The following PKHD1L1 variants were observed in gnomAD, a reference collection of about 807,000 sequenced individuals.
The protein encoded by PKHD1L1 is fibrocystin-L.
Under a neutral mutation model 462.9 loss-of-function variants are expected in PKHD1L1, and 434 were observed. The observed-to-expected ratio is 0.94, with a 90% confidence interval of 0.87 to 1.02. The LOEUF (loss-of-function observed/expected upper bound fraction) is 1.02. Ranked by LOEUF, PKHD1L1 falls within the 50% of genes least tolerant of loss-of-function variation. PKHD1L1 has a pLI of 0.00. For missense variants in PKHD1L1, 5,202 were observed against 5,096.1 expected (o/e 1.02, Z -0.63); for synonymous variants, 1,781 against 1,750.0 (o/e 1.02, Z -0.44).
Position 109,454,741 on chromosome 8 carries a change from C to T in PKHD1L1, c.6763C>T (p.Pro2255Ser). ...GVLQIGTETS[P>S]FQHKAVITLH... ...TTTGCAGATTGGAACAGAGACATCCCCATTCCAACACAAGGCTGTCATTAC... is the reference window on the plus strand; with the variant it reads ...TTTGCAGATTGGAACAGAGACATCCTCATTCCAACACAAGGCTGTCATTAC... The change falls in exon 45 of 78, where the codon CCA (proline) becomes TCA (serine). Residue 2255 changes from proline (P) to serine (S), a missense_variant. Transcript: ENST00000378402. The T allele has an allele frequency of 7.4e-6, 12 of 1,613,676 alleles. No individual in the cohort carries two copies. Among genetic ancestry groups the T allele is most frequent in the South Asian group, 1.1e-5 (1 of 91,050 alleles).
intron 12 of PKHD1L1, among the ~76,000 whole-genome samples, chr8:109,399,536 G>C (rs552462890): frequency 6.6e-6 from 1 of 152,158 alleles, no homozygotes; most frequent in African/African-American, 2.4e-5. Flanking sequence ...TGTCCAAGAA[G>C]GAGAAGAAAT....
intron 73 of PKHD1L1, among the ~76,000 whole-genome samples, chr8:109,518,873 C>A (rs1820411072): frequency 6.6e-6 from 1 of 151,958 alleles, no homozygotes; most frequent in Admixed American, 6.6e-5. Context: ...GCTATGGAAA[C>A]TGTTGGTGAG....
chr8:109,523,034 C>A, intron 75 of PKHD1L1, 144 bp downstream of exon 75: 1 of 1,060,282 alleles, frequency 9.4e-7, no homozygotes, highest in Non-Finnish European at 1.3e-6. Context: ...CCAAGGATAC[C>A]ATCTTGTAAT....
At chr8:109,515,937 T>A (rs1049635407) in intron 72 of PKHD1L1, among the ~76,000 whole-genome samples, 8 of 152,132 alleles carry the variant, frequency 5.3e-5, no homozygotes, top group Non-Finnish European at 1.2e-4. Flanking sequence ...TCTGATATGA[T>A]CCATATTCTT....
At position 109,476,610 on chromosome 8, in the gene PKHD1L1, A is replaced by G. The variant is rs377395482; in HGVS notation, c.8860A>G (p.Thr2954Ala). Residue 2954 changes from threonine to alanine, a missense_variant, in exon 52 of 78, where the codon ACT (threonine) becomes GCT (alanine). Coordinates refer to ENST00000378402, the MANE Select transcript of PKHD1L1 (RefSeq NM_177531.6). ...TTCCTCAAATCCATTGAATTGGAAT[A>G]CTAGCAAGAATGGGGACTGGCACCT... ...NGSSNPLNWNTSKNGDWHLEA... is the reference protein window; with the variant it reads ...NGSSNPLNWNASKNGDWHLEA... 1.9e-6 allele frequency: 3 copies of G among 1,596,428 alleles called. No individual in the cohort carries two copies. In the African/African-American group the frequency reaches 4.0e-5, roughly 21 times the overall value.
At chr8:109,375,027 T>C (rs957107275) in intron 2 of PKHD1L1, among the ~76,000 whole-genome samples, 9 of 152,152 alleles carry the variant, frequency 5.9e-5, no homozygotes, top group African/African-American at 1.7e-4. Flanking sequence ...CTCTGTATTT[T>C]CTGAATCTGA....
At chr8:109,456,420 G>A (rs752744600) in intron 46 of PKHD1L1, 29 bp downstream of exon 46, 1 of 1,555,828 alleles carries the variant, frequency 6.4e-7, no homozygotes, top group Non-Finnish European at 8.7e-7. Context: ...TTAATGATGT[G>A]TATTTAGAAA....
Position 109,445,422 on chromosome 8 carries a change from C to T in PKHD1L1, c.5553C>T (p.Ile1851=). ...GSIGGGTTLV[I]TGNGFYPGNT... is the part of the protein sequence containing the mutation. Reference sequence around the variant, plus strand: ...TTGGTGGTGGAACTACACTGGTGATCACAGGAAATGGCTTCTATCCAGGCA... The same window carrying T: ...TTGGTGGTGGAACTACACTGGTGATTACAGGAAATGGCTTCTATCCAGGCA... Residue 1851 remains isoleucine (I), a synonymous_variant, in exon 38 of 78, where the codon ATC becomes ATT. Coordinates refer to ENST00000378402, the MANE Select transcript of PKHD1L1 (RefSeq NM_177531.6). The T allele has an allele frequency of 6.2e-7, 1 of 1,613,974 alleles. No homozygotes were observed. Among genetic ancestry groups the T allele is most frequent in the Non-Finnish European group, 8.5e-7 (1 of 1,179,886 alleles).
In PKHD1L1 at chr8:109,518,451, A is replaced by G. The variant is rs35561171; in HGVS notation, c.11974A>G (p.Ile3992Val). The change falls in exon 73 of 78, where the codon ATA becomes GTA. Residue 3992 changes from isoleucine (I) to valine (V), a missense_variant. Ile to Val is a conservative substitution (Grantham distance 29, BLOSUM62 3). Transcript: ENST00000378402. Reference protein sequence around the residue: ...SLRRKRSMGFIIEIEIGDPPI... With the variant: ...SLRRKRSMGFVIEIEIGDPPI... ...GAGGAGGAAGAGATCCATGGGATTC[A>G]TAATTGAAATAGAGATTGGAGACCC... 1.6e-3 allele frequency: 2,600 copies of G among 1,609,840 alleles called. 37 individuals are homozygous for G. The African/African-American group carries it at 0.031, about 19-fold the overall frequency.
rs756130116 is a variant in PKHD1L1 at position 109,448,194 on chromosome 8, T to C, written c.5828T>C (p.Ile1943Thr). ...EITGSNFGFEILEISVMINNI... is the reference protein window; with the variant it reads ...EITGSNFGFETLEISVMINNI... ...ACTGGATCCAACTTTGGCTTTGAGA[T>C]CTTGGAAATCTCCGTGATGATAAAT... Residue 1943 changes from isoleucine to threonine, a missense_variant, in exon 39 of 78, where the codon ATC becomes ACC. Ile to Thr is a moderately conservative substitution (Grantham distance 89, BLOSUM62 -1). Around this residue, in one of 3 missense-constraint regions of PKHD1L1, gnomAD observed 4,497 missense variants for 4,336.8 expected, o/e 1.04. Coordinates refer to ENST00000378402, the MANE Select transcript of PKHD1L1 (RefSeq NM_177531.6). The C allele has an allele frequency of 9.3e-6, 15 of 1,612,170 alleles. No individual in the cohort carries two copies. Among genetic ancestry groups the C allele is most frequent in the Non-Finnish European group, 1.3e-5 (15 of 1,179,112 alleles).
At chr8:109,407,224 A>C (rs1376300200) in intron 17 of PKHD1L1, among the ~76,000 whole-genome samples, 1 of 152,072 alleles carries the variant, frequency 6.6e-6, no homozygotes, top group Admixed American at 6.6e-5. Flanking sequence ...TTTATGTCTC[A>C]CTTTATGTAA....
intron 8 of PKHD1L1, among the ~76,000 whole-genome samples, chr8:109,389,388 C>G (rs568933013): frequency 5.9e-5 from 9 of 151,980 alleles, no homozygotes; most frequent in Non-Finnish European, 1.3e-4. Context: ...CTTTCTTCTT[C>G]TTTCTCCCTA....
chr8:109,500,108 C>T lies in PKHD1L1; in HGVS notation c.10828+1337C>T, dbSNP rs530099711. Among the ~76,000 whole-genome samples the T allele has an allele frequency of 2.2e-4, 33 of 152,216 alleles. No individual in the cohort carries two copies. The Middle Eastern group carries it at 0.014, about 63-fold the overall frequency. ...TGTACCAGCCTGTATCCACTTTAGTCCTCTCTTGGGACTACTGGGATCTAC... is the reference window on the plus strand; with the variant it reads ...TGTACCAGCCTGTATCCACTTTAGTTCTCTCTTGGGACTACTGGGATCTAC... On this transcript the variant is annotated intron_variant, in intron 67 of 77. Coordinates refer to ENST00000378402, the MANE Select transcript of PKHD1L1 (RefSeq NM_177531.6).
chr8:109,413,327 A>G (rs1563750089), intron 20 of PKHD1L1, 94 bp from the exon 21 acceptor site: 2 of 900,262 alleles, frequency 2.2e-6, no homozygotes, highest in South Asian at 3.7e-5. Context: ...GAAAATGCTC[A>G]ATAAATATTT....
chr8:109,362,940 C>T (rs535026601), intron 1 of PKHD1L1, among the ~76,000 whole-genome samples: 1 of 152,280 alleles, frequency 6.6e-6, no homozygotes, highest in Admixed American at 6.5e-5. Flanking sequence ...CCACCGGCAC[C>T]CACAAAGTGA....
At chr8:109,364,260 A>C (rs1811117167) in intron 1 of PKHD1L1, among the ~76,000 whole-genome samples, 1 of 152,220 alleles carries the variant, frequency 6.6e-6, no homozygotes, top group Non-Finnish European at 1.5e-5. Context: ...AGGATTTAAT[A>C]CGTGTTTTAT....
intron 13 of PKHD1L1, among the ~76,000 whole-genome samples, chr8:109,400,709 A>G (rs1033731364): frequency 6.6e-6 from 1 of 152,068 alleles, no homozygotes; most frequent in Non-Finnish European, 1.5e-5. Context: ...CACTAGTTTT[A>G]ATGACTAAGC....
At chr8:109,446,077 G>A (rs1816121882) in intron 38 of PKHD1L1, among the ~76,000 whole-genome samples, 1 of 152,066 alleles carries the variant, frequency 6.6e-6, no homozygotes, top group Non-Finnish European at 1.5e-5. Flanking sequence ...TTATTAGCAT[G>A]CCAGAATTCT....
intron 2 of PKHD1L1, among the ~76,000 whole-genome samples, chr8:109,378,044 C>T (rs1811926937): frequency 6.6e-6 from 1 of 152,074 alleles, no homozygotes; most frequent in Non-Finnish European, 1.5e-5. Context: ...TTCTGCCCAT[C>T]TGAAAAAAAG....
Sources: gnomAD v4.1 joint callset for allele counts (sites outside exome capture counted in the v4.1 genomes callset) on GRCh38, gnomAD v4.1.1 for gene constraint, gnomAD v4.1.1 regional missense constraint, MANE v1.5 for transcripts, NCBI Gene and HGNC (gene_info 2026-07-23, HGNC 2026-07-21) for gene names.